Variants in CACNA1E observed in about 807,000 individuals in gnomAD.
The protein encoded by CACNA1E is voltage-dependent R-type calcium channel subunit alpha-1E.
A neutral mutation model predicts 259.2 loss-of-function variants in CACNA1E; 40 were observed. The observed-to-expected ratio is 0.15, with a 90% CI of 0.12 to 0.20. The LOEUF is 0.20. Among genes scored for constraint, CACNA1E ranks in the 10% least tolerant of loss-of-function variants. The pLI is 1.00. For missense variants in CACNA1E, 1,874 were observed against 3,040.1 expected (o/e 0.62, Z 9.02); for synonymous variants, 1,104 against 1,138.5 (o/e 0.97, Z 0.61).
chr1:181,510,563 C>A lies in CACNA1E; in HGVS notation c.353C>A (p.Thr118Asn). 6.2e-7 allele frequency: 1 copy of A among 1,611,020 alleles called. No homozygotes were observed. The highest frequency in any genetic ancestry group is 8.5e-7 in the Non-Finnish European group (1 of 1,177,174). Residue 118 changes from threonine to asparagine, a missense_variant, in exon 2 of 48, where the codon ACC (threonine) becomes AAC (asparagine). Physicochemically the swap from Thr to Asn is moderately conservative, Grantham distance 65. Transcript: ENST00000367573. ...LEQHLPEDDK[T>N]PMSRRLEKTE... ...CAGCATCTTCCTGAGGATGACAAGACCCCCATGTCCCGAAGACTGGTATGT... is the reference window on the plus strand; with the variant it reads ...CAGCATCTTCCTGAGGATGACAAGAACCCCATGTCCCGAAGACTGGTATGT...
chr1:181,431,235 G>A (rs1659694298), intron 2 of CACNA1E, among the ~76,000 whole-genome samples: 2 of 152,206 alleles, frequency 1.3e-5, no homozygotes, highest in African/African-American at 4.8e-5. Flanking sequence ...TGAAATTGCG[G>A]AGTGAGTTTT....
intron 7 of CACNA1E, among the ~76,000 whole-genome samples, chr1:181,684,002 A>C (rs746165913): frequency 6.6e-6 from 1 of 152,172 alleles, no homozygotes; most frequent in Non-Finnish European, 1.5e-5. Context: ...CAATGACTTG[A>C]TCAGGTTTGC....
At chr1:181,734,191 C>T (rs1231610689) in intron 21 of CACNA1E, among the ~76,000 whole-genome samples, 2 of 152,230 alleles carry the variant, frequency 1.3e-5, no homozygotes, top group East Asian at 1.9e-4. Context: ...CTCAGTTTGT[C>T]ATCTGTAAAG....
intron 1 of CACNA1E, among the ~76,000 whole-genome samples, chr1:181,350,284 C>G (rs1338427651): frequency 6.6e-6 from 1 of 152,210 alleles, no homozygotes; most frequent in African/African-American, 2.4e-5. Context: ...GTGGAGCCTT[C>G]GCGGAGGATG....
chr1:181,590,437 T>TATATATATATATATATATATA (rs1558159851), intron 6 of CACNA1E, among the ~76,000 whole-genome samples: 5 of 143,384 alleles, frequency 3.5e-5, no homozygotes, highest in African/African-American at 1.4e-4. Context: ...ATATATATAT[T>TATATATATATATATATATATA]GTATTTGACT....
intron 6 of CACNA1E, among the ~76,000 whole-genome samples, chr1:181,601,162 G>A (rs549923604): frequency 3.3e-5 from 5 of 152,238 alleles, no homozygotes; most frequent in African/African-American, 1.2e-4. Context: ...GTAGAGATTC[G>A]GGTGTGGAGG....
intron 6 of CACNA1E, among the ~76,000 whole-genome samples, chr1:181,597,033 T>C (rs1485529516): frequency 6.6e-6 from 1 of 152,114 alleles, no homozygotes; most frequent in Non-Finnish European, 1.5e-5. Context: ...AGCTCTGCCC[T>C]GCCTCCTCCC....
At chr1:181,413,310 T>C (rs1056608273) in exon 2 of CACNA1E, 4 of 152,394 alleles carry the variant, frequency 2.6e-5, no homozygotes, top group Non-Finnish European at 5.9e-5. Flanking sequence ...TGCGCTCTGC[T>C]CGAGGCCGAC....
intron 3 of CACNA1E, among the ~76,000 whole-genome samples, chr1:181,529,657 C>A (rs948875670): frequency 4.6e-5 from 7 of 152,214 alleles, no homozygotes; most frequent in African/African-American, 1.7e-4. Context: ...GATGTGAGAT[C>A]TGGAGTCAAA....
chr1:181,566,083 A>G (rs1649797061), intron 3 of CACNA1E, among the ~76,000 whole-genome samples: 1 of 152,246 alleles, frequency 6.6e-6, no homozygotes, highest in Non-Finnish European at 1.5e-5. Flanking sequence ...ATCATAGGAT[A>G]CCATAAAGCT....
chr1:181,523,721 G>C (rs1667153608), intron 3 of CACNA1E, among the ~76,000 whole-genome samples: 1 of 152,214 alleles, frequency 6.6e-6, no homozygotes, highest in Admixed American at 6.5e-5. Context: ...CCTCACACTT[G>C]AAAGAATGAG....
intron 2 of CACNA1E, among the ~76,000 whole-genome samples, chr1:181,430,481 G>A (rs940582016): frequency 3.9e-5 from 6 of 152,152 alleles, no homozygotes; most frequent in African/African-American, 1.4e-4. Context: ...TCTCTTGTTC[G>A]GGTTACTGTG....
At chr1:181,607,168 G>A (rs16857785) in intron 6 of CACNA1E, among the ~76,000 whole-genome samples, 2,640 of 152,200 alleles carry the variant, frequency 0.017, 66 homozygotes, top group African/African-American at 0.056. Context: ...AATCTATCTC[G>A]AACACTTTTG....
intron 1 of CACNA1E, among the ~76,000 whole-genome samples, chr1:181,495,275 A>AG (rs71121090): frequency 0.14 from 20,831 of 152,190 alleles, 1,518 homozygotes; most frequent in South Asian, 0.21. Context: ...TTAGGGTATT[A>AG]GGGGGTCGTT....
At chr1:181,406,808 G>C (rs1657499027) in intron 1 of CACNA1E, among the ~76,000 whole-genome samples, 1 of 152,198 alleles carries the variant, frequency 6.6e-6, no homozygotes, top group South Asian at 2.1e-4. Context: ...CAGAGCGTAG[G>C]CTCCTAACTT....
At chr1:181,461,947 C>G (rs1466229652) in intron 2 of CACNA1E, among the ~76,000 whole-genome samples, 1 of 151,970 alleles carries the variant, frequency 6.6e-6, no homozygotes, top group African/African-American at 2.4e-5. Context: ...TATGTATATT[C>G]ACACACATAC....
At chr1:181,645,243 G>A (rs760005688) in intron 6 of CACNA1E, among the ~76,000 whole-genome samples, 10 of 152,164 alleles carry the variant, frequency 6.6e-5, no homozygotes, top group Non-Finnish European at 1.3e-4. Flanking sequence ...GTGGGGGATA[G>A]TGTGCCTAGG....
At chr1:181,590,158 A>T (rs977089559) in intron 6 of CACNA1E, among the ~76,000 whole-genome samples, 2 of 152,042 alleles carry the variant, frequency 1.3e-5, no homozygotes, top group African/African-American at 4.8e-5. Context: ...CTGTTGATTG[A>T]CATGTGTGCC....
At chr1:181,436,614 G>A (rs914482216) in intron 2 of CACNA1E, among the ~76,000 whole-genome samples, 1 of 152,208 alleles carries the variant, frequency 6.6e-6, no homozygotes, top group Non-Finnish European at 1.5e-5. Flanking sequence ...GCACCGAAAT[G>A]CCAATATCAT....
Sources: allele counts gnomAD v4.1 joint callset (sites outside exome capture counted in the v4.1 genomes callset), GRCh38; gene constraint gnomAD v4.1.1; transcripts MANE v1.5; gene names NCBI Gene and HGNC (gene_info 2026-07-23, HGNC 2026-07-21).